The following MYO16 variants were observed in gnomAD, a reference collection of about 807,000 sequenced individuals.
MYO16 encodes the protein myosin XVI, also known as unconventional myosin-XVI.
A neutral mutation model predicts 205.3 loss-of-function variants in MYO16; 94 were observed. The observed-to-expected ratio is 0.46, with a 90% CI of 0.39 to 0.54. MYO16 has a LOEUF of 0.54. MYO16 is among the 20% of genes least tolerant of loss of function. The probability of loss-of-function intolerance (pLI) is 0.00; values close to 1 mark genes in which losing one functional copy is unlikely to be tolerated. For missense variants in MYO16, 2,315 were observed against 2,387.5 expected (o/e 0.97, Z 0.63); for synonymous variants, 988 against 954.0 (o/e 1.04, Z -0.66).
chr13:108,559,007 G>C, the MYO16 span, among the ~76,000 whole-genome samples: 1 of 145,720 alleles, frequency 6.9e-6, no homozygotes, highest in African/African-American at 2.6e-5. Flanking sequence ...TTTAAGTTTT[G>C]TAGATACATT....
chr13:108,500,508 A>G, the MYO16 span, among the ~76,000 whole-genome samples: 3 of 151,642 alleles, frequency 2.0e-5, no homozygotes, highest in African/African-American at 4.8e-5. Flanking sequence ...GATTACAAGC[A>G]TGAGCCACCA....
intron 6 of MYO16, among the ~76,000 whole-genome samples, chr13:108,794,356 T>A (rs1886715984): frequency 6.6e-6 from 1 of 152,252 alleles, no homozygotes; most frequent in Non-Finnish European, 1.5e-5. Flanking sequence ...TGCAAAATGC[T>A]TATGCCACTA....
At chr13:109,054,931 C>CTT in intron 25 of MYO16, 115 bp from the exon 26 acceptor site, 1 of 557,018 alleles carries the variant, frequency 1.8e-6, no homozygotes, top group Non-Finnish European at 3.1e-6. Flanking sequence ...CCTTCTTTCT[C>CTT]TTTTTTCCTT....
intron 1 of MYO16, among the ~76,000 whole-genome samples, chr13:108,603,854 T>A (rs775239170): frequency 5.3e-5 from 8 of 152,150 alleles, no homozygotes; most frequent in Non-Finnish European, 1.0e-4. Context: ...TTATCCTTGA[T>A]CAATAACAAA....
intron 33 of MYO16, among the ~76,000 whole-genome samples, chr13:109,171,166 T>C (rs984326625): frequency 8.5e-5 from 13 of 152,234 alleles, no homozygotes; most frequent in Non-Finnish European, 1.8e-4. Flanking sequence ...ACAATGTTGT[T>C]TGTTACGGAG....
chr13:108,788,492 C>T (rs1478761799), intron 5 of MYO16, among the ~76,000 whole-genome samples: 1 of 152,178 alleles, frequency 6.6e-6, no homozygotes. Context: ...GACAAAAGAT[C>T]AGCATAATGG....
intron 20 of MYO16, among the ~76,000 whole-genome samples, chr13:108,976,143 A>G (rs919677447): frequency 6.6e-6 from 1 of 152,180 alleles, no homozygotes; most frequent in Non-Finnish European, 1.5e-5. Flanking sequence ...AAACTGCAGA[A>G]TAATAAGAAA....
rs113895967 is a variant in MYO16, at chr13:109,203,674, A to G, written c.5416-2935A>G. Among the ~76,000 whole-genome samples, 824 of 152,112 alleles carry G rather than the reference A, an allele frequency of 5.4e-3. 9 individuals carry two copies. The highest frequency in any genetic ancestry group is 0.018 in the African/African-American group (763 of 41,498). Reference sequence around the variant, plus strand: ...CCTGTGTTTCAGAGCTCCCAGCCTGACTCTGCAGCCTTGTGCCCCACACAC... The same window carrying G: ...CCTGTGTTTCAGAGCTCCCAGCCTGGCTCTGCAGCCTTGTGCCCCACACAC... On this transcript the variant is annotated intron_variant, in intron 34 of 34. Coordinates refer to ENST00000457511, the MANE Select transcript of MYO16 (RefSeq NM_001198950.3).
At chr13:108,641,289 G>A (rs1328614026) in intron 1 of MYO16, among the ~76,000 whole-genome samples, 1 of 152,194 alleles carries the variant, frequency 6.6e-6, no homozygotes, top group Non-Finnish European at 1.5e-5. Flanking sequence ...GGGGTTGAGA[G>A]AAGGATAACT....
chr13:109,024,658 A>G (rs1330992650), intron 23 of MYO16, among the ~76,000 whole-genome samples: 1 of 152,158 alleles, frequency 6.6e-6, no homozygotes, highest in Non-Finnish European at 1.5e-5. Flanking sequence ...CTGTGGAAAC[A>G]TGAATGTTCC....
chr13:109,206,919 G>T lies in MYO16; in HGVS notation c.*83G>T, dbSNP rs1319654249. 1.9e-5 allele frequency: 23 copies of T among 1,242,700 alleles called. No homozygotes were observed. The highest frequency in any genetic ancestry group is 1.6e-5 in the Non-Finnish European group (14 of 880,668). 77.0% of individuals were successfully genotyped at this position (1,242,700 alleles called of 1,614,324 possible). On this transcript the variant is annotated 3_prime_UTR_variant, in exon 35 of 35. Coordinates refer to ENST00000457511, the MANE Select transcript of MYO16 (RefSeq NM_001198950.3). ...AACAGAAGGCTGCCTTCTGACATGC[G>T]CTGGGGCTTCTCTCCACGCATTTAG...
rs575000658 is a variant in MYO16 at position 108,701,839 on chromosome 13, G to T, written c.293-10822G>T. 1.7e-4 allele frequency among the ~76,000 whole-genome samples: 26 copies of T among 152,096 alleles called. No homozygotes were observed. The South Asian group carries it at 5.0e-3, about 29-fold the overall frequency. On this transcript the variant is annotated intron_variant, in intron 2 of 34. Transcript: ENST00000457511. ...ATCGCTAAAGGAAAGTATGAAAGTG[G>T]TATCTCCCCACATAGAGAAGAACAA...
intron 4 of MYO16, among the ~76,000 whole-genome samples, chr13:108,781,871 A>C (rs1284083497): frequency 2.6e-5 from 4 of 151,958 alleles, no homozygotes; most frequent in Admixed American, 1.3e-4. Flanking sequence ...ATTTTCTCTT[A>C]CCACTGCCAT....
chr13:108,516,258 C>A, the MYO16 span, among the ~76,000 whole-genome samples: 1 of 151,604 alleles, frequency 6.6e-6, no homozygotes, highest in Non-Finnish European at 1.5e-5. Context: ...TCCGTCACCC[C>A]TTTCTTTGAC....
intron 23 of MYO16, among the ~76,000 whole-genome samples, chr13:109,044,883 T>G (rs2139588216): frequency 6.6e-6 from 1 of 152,222 alleles, no homozygotes; most frequent in Non-Finnish European, 1.5e-5. Flanking sequence ...AGAGATGGGG[T>G]TTCACTGTAT....
chr13:108,636,184 G>C (rs530726754), intron 1 of MYO16, among the ~76,000 whole-genome samples: 1 of 152,000 alleles, frequency 6.6e-6, no homozygotes, highest in East Asian at 1.9e-4. Context: ...TTAGTTTAAG[G>C]TTACACTGTA....
chr13:108,753,624 T>C (rs11838981), intron 4 of MYO16, among the ~76,000 whole-genome samples: 1 of 152,286 alleles, frequency 6.6e-6, no homozygotes, highest in African/African-American at 2.4e-5. Flanking sequence ...TTAAAATGTA[T>C]TTACTTTTTA....
the MYO16 span, among the ~76,000 whole-genome samples, chr13:108,531,916 A>G: frequency 1.4e-4 from 22 of 152,136 alleles, no homozygotes; most frequent in African/African-American, 5.3e-4. Context: ...GAGGTCATCA[A>G]AAGCAGAAGG....
intron 16 of MYO16, among the ~76,000 whole-genome samples, chr13:108,925,732 T>A (rs1286203515): frequency 6.6e-6 from 1 of 152,150 alleles, no homozygotes; most frequent in African/African-American, 2.4e-5. Flanking sequence ...TCTCCATCTC[T>A]CTGCTGCAGT....
Sources: gnomAD v4.1 joint callset for allele counts (sites outside exome capture counted in the v4.1 genomes callset) on GRCh38, gnomAD v4.1.1 for gene constraint, MANE v1.5 for transcripts, NCBI Gene and HGNC (gene_info 2026-07-23, HGNC 2026-07-21) for gene names.